The following INTS8 variants were observed in gnomAD, a reference collection of about 807,000 sequenced individuals.
INTS8 encodes the protein integrator complex subunit 8, also known as protein kaonashi-1.
INTS8 carries 47 observed loss-of-function variants against 138.9 expected under a neutral mutation model. The ratio of observed to expected loss-of-function variants is 0.34; its 90% CI spans 0.27 to 0.43. The LOEUF (loss-of-function observed/expected upper bound fraction) is 0.43. Among genes scored for constraint, INTS8 ranks in the 20% least tolerant of loss-of-function variants. The pLI is 1.00. For synonymous variants in INTS8, 392 were observed against 400.9 expected, an observed-to-expected ratio of 0.98 and a Z score of 0.27; for missense variants, 996 against 1,173.0, an observed-to-expected ratio of 0.85 and a Z score of 2.20.
chr8:94,842,591 C>G (rs146717298), intron 10 of INTS8, 103 bp downstream of exon 10: 2 of 911,600 alleles, frequency 2.2e-6, no homozygotes, highest in African/African-American at 1.7e-5. Flanking sequence ...GTCTGCCTTG[C>G]GTTTCTGTGC....
chr8:94,866,179 CAAA>C lies in INTS8; in HGVS notation c.2287_2289del (p.Lys763del). The C allele has an allele frequency of 7.6e-7, 1 of 1,314,174 alleles. No individual in the cohort carries two copies. The highest frequency in any genetic ancestry group is 1.1e-6 in the Non-Finnish European group (1 of 927,414). The allele number at this position is 1,314,174 out of a possible 1,614,324, so 81.4% of individuals were successfully genotyped here. ...GTAGGAGTGAACTGCTTTCTTTTAT[CAAA>C]AAATTACGAGTAAGTTTTATTAAAA... On this transcript the variant is annotated inframe_deletion, in exon 18 of 27. Coordinates refer to ENST00000523731, the MANE Select transcript of INTS8 (RefSeq NM_017864.4).
chr8:94,849,662 A>C, intron 11 of INTS8, 130 bp downstream of exon 11: 1 of 634,916 alleles, frequency 1.6e-6, no homozygotes, highest in Non-Finnish European at 2.7e-6. Context: ...GTGTTTGAGA[A>C]CCCATTAAGT....
rs1221603305 is a variant in INTS8, at chr8:94,881,122, A to G, written c.*888A>G. 2 of 396,352 alleles carry G rather than the reference A, an allele frequency of 5.0e-6. No individual in the cohort carries two copies. The highest frequency in any genetic ancestry group is 8.9e-6 in the Non-Finnish European group (2 of 224,912). 24.6% of individuals were successfully genotyped at this position (396,352 alleles called of 1,614,324 possible). On this transcript the variant is annotated 3_prime_UTR_variant, in exon 27 of 27. Coordinates refer to ENST00000523731, the MANE Select transcript of INTS8 (RefSeq NM_017864.4). ...TTGCTATAGCAGCTATAGATAAATT[A>G]GTCACCTTATTACAAAACTAAACCT... is the stretch of plus-strand genomic sequence containing the variant.
intron 23 of INTS8, 135 bp from the exon 24 acceptor site, chr8:94,875,939 T>C: frequency 3.0e-6 from 2 of 671,882 alleles, no homozygotes; most frequent in Non-Finnish European, 5.3e-6. Flanking sequence ...TTTTTGAAAT[T>C]AAAATTGGAT....
intron 16 of INTS8, among the ~76,000 whole-genome samples, chr8:94,864,026 C>T (rs1048373725): frequency 9.9e-5 from 15 of 152,106 alleles, no homozygotes; most frequent in African/African-American, 1.7e-4. Flanking sequence ...AGAATGTCCT[C>T]GTCCTTAGAA....
chr8:94,872,927 A>G (rs1246144415), intron 21 of INTS8, among the ~76,000 whole-genome samples: 2 of 152,196 alleles, frequency 1.3e-5, no homozygotes, highest in Non-Finnish European at 2.9e-5. Flanking sequence ...CCACCCAGCT[A>G]CTAATTAACA....
intron 26 of INTS8, among the ~76,000 whole-genome samples, chr8:94,878,208 A>G (rs992327644): frequency 2.0e-5 from 3 of 152,202 alleles, no homozygotes; most frequent in African/African-American, 7.2e-5. Context: ...CAAGTCTCCA[A>G]CCCGTCAGCT....
chr8:94,836,302 C>T (rs1348793477), intron 6 of INTS8, among the ~76,000 whole-genome samples: 2 of 152,078 alleles, frequency 1.3e-5, no homozygotes, highest in African/African-American at 2.4e-5. Context: ...ATTCTGTAGG[C>T]GACCTAAAAT....
chr8:94,838,022 T>C (rs1033130180), intron 7 of INTS8, among the ~76,000 whole-genome samples: 1 of 151,392 alleles, frequency 6.6e-6, no homozygotes, highest in African/African-American at 2.4e-5. Flanking sequence ...TTTTGATTCT[T>C]CCAGTTTTAA....
rs965387719 is a variant in INTS8, at chr8:94,824,889, C to G, written c.131-4C>G. ...TTAAGAATTTATTTTCTTTTAAACC[C>G]TAGATCCTGCACCAGTTCAACTTAT... is the stretch of plus-strand genomic sequence containing the variant. On this transcript the variant is annotated splice_polypyrimidine_tract_variant and splice_region_variant and intron_variant, in intron 1 of 26. Coordinates refer to ENST00000523731, the MANE Select transcript of INTS8 (RefSeq NM_017864.4). 1 of 1,585,928 alleles carries G rather than the reference C, an allele frequency of 6.3e-7. No homozygotes were observed. Among genetic ancestry groups the G allele is most frequent in the East Asian group, 2.3e-5 (1 of 44,088 alleles).
rs1816217374 is a variant in INTS8, at chr8:94,867,343, T to C, written c.2414+6T>C. The C allele has an allele frequency of 6.3e-7, 1 of 1,598,272 alleles. No individual in the cohort carries two copies. ...TGGCCATCTTCCATTCCCAAGTAAG[T>C]AGTGGTATAGCTTTTATTTTATTAA... On this transcript the variant is annotated splice_donor_region_variant and intron_variant, in intron 20 of 26. Transcript: ENST00000523731.
intron 22 of INTS8, among the ~76,000 whole-genome samples, chr8:94,873,973 A>C (rs1422086051): frequency 6.6e-6 from 1 of 152,068 alleles, no homozygotes; most frequent in African/African-American, 2.4e-5. Context: ...TTTAAGATAT[A>C]CAGAATAATG....
At chr8:94,829,061 A>G in intron 5 of INTS8, 35 bp downstream of exon 5, 2 of 1,493,692 alleles carry the variant, frequency 1.3e-6, no homozygotes, top group Non-Finnish European at 1.9e-6. Flanking sequence ...GTAACACTTC[A>G]GGAACAACTT....
chr8:94,859,477 G>A, intron 15 of INTS8, 34 bp from the exon 16 acceptor site: 1 of 1,598,788 alleles, frequency 6.3e-7, no homozygotes, highest in Non-Finnish European at 8.6e-7. Context: ...ATGTTGTGAT[G>A]GTAATTCCAA....
Position 94,823,370 on chromosome 8 carries a change from C to A in INTS8, c.-62C>A, listed in dbSNP as rs1345599884. 2.7e-6 allele frequency: 4 copies of A among 1,503,300 alleles called. No homozygotes were observed. The highest frequency in any genetic ancestry group is 4.9e-5 in the East Asian group (2 of 40,568). 93.1% of individuals were successfully genotyped at this position (1,503,300 alleles called of 1,614,324 possible). On this transcript the variant is annotated 5_prime_UTR_variant, in exon 1 of 27. Coordinates refer to ENST00000523731, the MANE Select transcript of INTS8 (RefSeq NM_017864.4). ...GTTCCGCATACCCCAGGCACCGGCC[C>A]GCATCCAAGTGTCAGGTTGGAGCCG... is the stretch of plus-strand genomic sequence containing the variant.
chr8:94,848,391 C>T (rs184885046), intron 10 of INTS8, among the ~76,000 whole-genome samples: 131 of 152,136 alleles, frequency 8.6e-4, no homozygotes, highest in African/African-American at 2.2e-3. Flanking sequence ...TAAGTCAGTG[C>T]GTTTTAGTGT....
intron 14 of INTS8, among the ~76,000 whole-genome samples, chr8:94,854,908 ATTTT>A (rs35252211): frequency 7.4e-6 from 1 of 135,744 alleles, no homozygotes; most frequent in Admixed American, 7.5e-5. Flanking sequence ...ATTTGAAAGA[ATTTT>A]TTTTTTTTTT....
At chr8:94,828,593 A>G (rs893485809) in intron 4 of INTS8, among the ~76,000 whole-genome samples, 2 of 152,110 alleles carry the variant, frequency 1.3e-5, no homozygotes, top group Admixed American at 1.3e-4. Context: ...ACTTGATACA[A>G]ATGAGCTTTT....
intron 13 of INTS8, 132 bp from the exon 14 acceptor site, chr8:94,853,672 AT>A: frequency 1.8e-6 from 1 of 547,424 alleles, no homozygotes; most frequent in South Asian, 2.4e-5. Context: ...TATGGCTGTC[AT>A]TTTCCTTTCT....
Sources: allele counts gnomAD v4.1 joint callset (sites outside exome capture counted in the v4.1 genomes callset), GRCh38; gene constraint gnomAD v4.1.1; transcripts MANE v1.5; gene names NCBI Gene and HGNC (gene_info 2026-07-23, HGNC 2026-07-21).